Variants in FHIP1A observed in about 807,000 individuals in gnomAD.
FHIP1A encodes FHF complex subunit HOOK interacting protein 1A.
Under a neutral mutation model 88.6 loss-of-function variants are expected in FHIP1A, and 61 were observed. The observed-to-expected ratio is 0.69, with a 90% CI of 0.56 to 0.85. The LOEUF (loss-of-function observed/expected upper bound fraction) is 0.85, where lower values mean the gene tolerates loss of function less well. FHIP1A is among the 40% of genes least tolerant of loss of function. The pLI is 0.00. For missense variants in FHIP1A, 1,154 were observed against 1,273.5 expected, an observed-to-expected ratio of 0.91 and a Z score of 1.43; for synonymous variants, 478 against 496.0, an observed-to-expected ratio of 0.96 and a Z score of 0.48.
chr4:151,495,920 G>A (rs923810922), intron 3 of FHIP1A, among the ~76,000 whole-genome samples: 6 of 152,014 alleles, frequency 3.9e-5, no homozygotes, highest in African/African-American at 1.4e-4. Flanking sequence ...ACTGTGCCTG[G>A]CCTATATATT....
intron 5 of FHIP1A, among the ~76,000 whole-genome samples, chr4:151,582,072 T>G (rs915156478): frequency 2.0e-5 from 3 of 152,160 alleles, no homozygotes; most frequent in African/African-American, 7.2e-5. Flanking sequence ...TATTGGCAAA[T>G]GTAGAAAACA....
intron 3 of FHIP1A, among the ~76,000 whole-genome samples, chr4:151,533,562 C>T (rs1305399994): frequency 6.6e-6 from 1 of 152,200 alleles, no homozygotes; most frequent in Non-Finnish European, 1.5e-5. Context: ...GTTTACCAAT[C>T]CATCTGTAAT....
At chr4:151,634,039 C>G (rs1736254958) in intron 8 of FHIP1A, among the ~76,000 whole-genome samples, 1 of 151,680 alleles carries the variant, frequency 6.6e-6, no homozygotes, top group African/African-American at 2.4e-5. Context: ...CTAAAGATGT[C>G]ACCAAAAAAC....
intron 4 of FHIP1A, among the ~76,000 whole-genome samples, chr4:151,567,671 G>T (rs902295835): frequency 3.3e-5 from 5 of 152,152 alleles, no homozygotes; most frequent in Non-Finnish European, 7.3e-5. Context: ...TTCATTGGGT[G>T]TAGGAAGAAT....
At chr4:151,532,482 G>GC (rs1370153687) in intron 3 of FHIP1A, among the ~76,000 whole-genome samples, 2 of 152,180 alleles carry the variant, frequency 1.3e-5, no homozygotes, top group Non-Finnish European at 2.9e-5. Flanking sequence ...TGCCACAAGA[G>GC]CCTCCTGGAG....
intron 3 of FHIP1A, among the ~76,000 whole-genome samples, chr4:151,485,325 G>T: frequency 1.6e-5 from 2 of 128,356 alleles, no homozygotes; most frequent in East Asian, 2.3e-4. Flanking sequence ...TGACCAGAAT[G>T]GCTTAAAATA....
chr4:151,577,069 C>T (rs1733818572), intron 4 of FHIP1A, among the ~76,000 whole-genome samples: 1 of 152,166 alleles, frequency 6.6e-6, no homozygotes, highest in African/African-American at 2.4e-5. Flanking sequence ...AATTATTATG[C>T]ATCTAACATC....
intron 7 of FHIP1A, among the ~76,000 whole-genome samples, chr4:151,620,583 G>A (rs1199965423): frequency 2.6e-5 from 4 of 151,966 alleles, no homozygotes; most frequent in African/African-American, 9.7e-5. Context: ...TGTATGCATT[G>A]TCTTATCACA....
chr4:151,644,567 G>T (rs985351398), intron 9 of FHIP1A, among the ~76,000 whole-genome samples: 1 of 152,034 alleles, frequency 6.6e-6, no homozygotes, highest in Non-Finnish European at 1.5e-5. Context: ...GCTCAGGCTC[G>T]TTTTGAACTC....
rs727313 is a variant in FHIP1A, at chr4:151,580,008, T to C, written c.732+1932T>C. Among the ~76,000 whole-genome samples the C allele has an allele frequency of 6.1e-3, 935 of 152,324 alleles. 11 individuals are homozygous for C. Among genetic ancestry groups the C allele is most frequent in the African/African-American group, 0.021 (872 of 41,560 alleles). On this transcript the variant is annotated intron_variant, in intron 5 of 13. Coordinates refer to ENST00000435205, the MANE Select transcript of FHIP1A (RefSeq NM_001109977.3). ...CTCCCACATAACCACAATACTGTTA[T>C]TGTACCTAAGAACATTATACAATAA... is the stretch of plus-strand genomic sequence containing the variant.
In FHIP1A at chr4:151,577,721, TCAC is replaced by T; in HGVS notation, c.379_381del (p.Thr127del). ...CAGCTAAAGATGTATGAGATGTTGG[TCAC>T]CCAGTCGCACCAGCCTCTGCTGCAC... On this transcript the variant is annotated inframe_deletion, in exon 5 of 14. Coordinates refer to ENST00000435205, the MANE Select transcript of FHIP1A (RefSeq NM_001109977.3). 1.3e-6 allele frequency: 2 copies of T among 1,551,656 alleles called. No individual in the cohort carries two copies. Among genetic ancestry groups the T allele is most frequent in the Non-Finnish European group, 1.7e-6 (2 of 1,147,004 alleles).
intron 3 of FHIP1A, among the ~76,000 whole-genome samples, chr4:151,483,884 A>G (rs567597988): frequency 2.8e-4 from 43 of 152,288 alleles, no homozygotes; most frequent in African/African-American, 9.6e-4. Context: ...TCTGTTTCTA[A>G]TTAAGGTATT....
At chr4:151,640,219 A>T (rs891866481) in intron 9 of FHIP1A, among the ~76,000 whole-genome samples, 1 of 152,242 alleles carries the variant, frequency 6.6e-6, no homozygotes, top group Non-Finnish European at 1.5e-5. Context: ...CCGTGCAGGC[A>T]TAACATCTTG....
At position 151,649,995 on chromosome 4, in the gene FHIP1A, G is replaced by C; in HGVS notation, c.1954G>C (p.Asp652His). ...GGTGTACAGGCTGTGTGCTGAGAAGGACTCCGAGGACATGAAGGATTCTCA... is the reference window on the plus strand; with the variant it reads ...GGTGTACAGGCTGTGTGCTGAGAAGCACTCCGAGGACATGAAGGATTCTCA... ...VMVYRLCAEK[D>H]SEDMKDSQEE... Residue 652 changes from aspartate (D) to histidine (H), a missense_variant, in exon 11 of 14, where the codon GAC (aspartate) becomes CAC (histidine). Asp to His is a moderately conservative substitution (Grantham distance 81, BLOSUM62 -1). Coordinates refer to ENST00000435205, the MANE Select transcript of FHIP1A (RefSeq NM_001109977.3). 6.4e-7 allele frequency: 1 copy of C among 1,551,640 alleles called. No individual in the cohort carries two copies. The highest frequency in any genetic ancestry group is 1.2e-5 in the South Asian group (1 of 84,054).
intron 3 of FHIP1A, among the ~76,000 whole-genome samples, chr4:151,502,671 A>G (rs1196184244): frequency 6.6e-6 from 1 of 152,206 alleles, no homozygotes; most frequent in Non-Finnish European, 1.5e-5. Context: ...TAAAAGGAGA[A>G]GAGAAAGGGG....
At chr4:151,645,072 CT>C (rs1281386563) in intron 9 of FHIP1A, among the ~76,000 whole-genome samples, 1 of 152,226 alleles carries the variant, frequency 6.6e-6, no homozygotes, top group East Asian at 1.9e-4. Context: ...GTCTTGCCCC[CT>C]GTTCCATACT....
intron 7 of FHIP1A, among the ~76,000 whole-genome samples, chr4:151,626,627 C>T (rs1735961495): frequency 1.3e-5 from 2 of 152,132 alleles, no homozygotes; most frequent in Admixed American, 6.5e-5. Flanking sequence ...TTTATTATTG[C>T]GTATGATATG....
rs1737585104 is a variant in FHIP1A, at chr4:151,664,304, A to T, written c.*1550A>T. 6.6e-6 allele frequency among the ~76,000 whole-genome samples: 1 copy of T among 152,170 alleles called. No individual in the cohort carries two copies. The highest frequency in any genetic ancestry group is 2.1e-4 in the South Asian group (1 of 4,822). ...GGCAGGGCAGTGGCGGAAGAACCAC[A>T]CCTGCAATGCTGTGGAGCAGTGGAG... On this transcript the variant is annotated 3_prime_UTR_variant, in exon 14 of 14. Transcript: ENST00000435205.
Position 151,505,841 on chromosome 4 carries a change from C to T in FHIP1A, c.-123+23193C>T, listed in dbSNP as rs1420042452. On this transcript the variant is annotated intron_variant, in intron 3 of 13. Coordinates refer to ENST00000435205, the MANE Select transcript of FHIP1A (RefSeq NM_001109977.3). ...GAAGGAAGATTACACAAAAGATTTT[C>T]TGTCCATCTATAACTACTGGTTACT... Among the ~76,000 whole-genome samples, 3 of 152,154 alleles carry T rather than the reference C, an allele frequency of 2.0e-5. No homozygotes were observed. The East Asian group carries it at 5.8e-4, about 29-fold the overall frequency.
Sources: gnomAD v4.1 joint callset for allele counts (sites outside exome capture counted in the v4.1 genomes callset) on GRCh38, gnomAD v4.1.1 for gene constraint, MANE v1.5 for transcripts, NCBI Gene and HGNC (gene_info 2026-07-23, HGNC 2026-07-21) for gene names.